Variants in PDRG1 observed in about 807,000 individuals in gnomAD.
PDRG1 encodes the protein p53 and DNA damage-regulated protein 1.
A neutral mutation model predicts 18.4 loss-of-function variants in PDRG1; 14 were observed. The ratio of observed to expected loss-of-function variants is 0.76; its 90% CI spans 0.50 to 1.19. The LOEUF (loss-of-function observed/expected upper bound fraction) is 1.19, where lower values mean the gene tolerates loss of function less well. PDRG1 is among the 50% of genes most tolerant of loss of function. The pLI, the probability that PDRG1 is intolerant of heterozygous loss-of-function variation, is 0.00. For missense variants in PDRG1, 177 were observed against 160.1 expected (o/e 1.11, Z -0.57); for synonymous variants, 65 against 60.9 (o/e 1.07, Z -0.31).
intron 2 of PDRG1, among the ~76,000 whole-genome samples, chr20:31,949,106 G>A (rs899773795): frequency 6.6e-6 from 1 of 152,200 alleles, no homozygotes; most frequent in Non-Finnish European, 1.5e-5. Flanking sequence ...TGCCAGAGGA[G>A]GACCTTGTTA....
At chr20:31,946,094 C>T (rs890141360) in intron 4 of PDRG1, among the ~76,000 whole-genome samples, 1 of 152,178 alleles carries the variant, frequency 6.6e-6, no homozygotes, top group South Asian at 2.1e-4. Flanking sequence ...AACTCTGCTG[C>T]CCAAAGAACC....
rs149510387 is a variant in PDRG1, at chr20:31,945,844, T to C, written c.365A>G (p.Asp122Gly). ...KGFNLNPLNQDELKALKVILK... is the reference protein window; with the variant it reads ...KGFNLNPLNQGELKALKVILK... ...GATGACCTTGAGAGCTTTAAGCTCA[T>C]CCTGGTTGAGGGGGTTCAAGTTAAA... The change falls in exon 5 of 5, where the codon GAT becomes GGT. Residue 122 changes from aspartate to glycine, a missense_variant. Asp to Gly is a moderately conservative substitution (Grantham distance 94). Transcript: ENST00000202017. 529 of 1,613,926 alleles carry C rather than the reference T, an allele frequency of 3.3e-4. No individual in the cohort carries two copies. The highest frequency in any genetic ancestry group is 4.3e-4 in the Non-Finnish European group (506 of 1,179,992).
At chr20:31,947,429 G>A (rs1360901860) in intron 3 of PDRG1, among the ~76,000 whole-genome samples, 1 of 152,152 alleles carries the variant, frequency 6.6e-6, no homozygotes, top group African/African-American at 2.4e-5. Flanking sequence ...GACATTTGGG[G>A]GCCAAAAGGG....
chr20:31,951,744 C>G (rs1228288021), intron 1 of PDRG1, 131 bp downstream of exon 1: 1 of 938,310 alleles, frequency 1.1e-6, no homozygotes, highest in East Asian at 3.0e-5. Flanking sequence ...TTAGTAGCGG[C>G]CGAATATTTA....
In PDRG1 at chr20:31,944,517, T is replaced by G. The variant is rs1428887640; in HGVS notation, c.*1290A>C. ...TCACACTGTGCTTGCACAAAAATTA[T>G]TAGCTTATAAGACACCAGCCTTCCC... On this transcript the variant is annotated 3_prime_UTR_variant, in exon 5 of 5. Transcript: ENST00000202017. 6.6e-6 allele frequency: 1 copy of G among 152,408 alleles called. No homozygotes were observed. Among genetic ancestry groups the G allele is most frequent in the Non-Finnish European group, 1.5e-5 (1 of 68,188 alleles). 9.4% of individuals were successfully genotyped at this position (152,408 alleles called of 1,614,324 possible).
Position 31,946,536 on chromosome 20 carries a change from C to A in PDRG1, c.279G>T (p.Lys93Asn). The A allele has an allele frequency of 6.2e-7, 1 of 1,613,642 alleles. No homozygotes were observed. Among genetic ancestry groups the A allele is most frequent in the Non-Finnish European group, 8.5e-7 (1 of 1,179,554 alleles). Reference protein sequence around the residue: ...HLDKEIEKLRKQLKVKVNRLF... With the variant: ...HLDKEIEKLRNQLKVKVNRLF... ...GGCGGTTGACCTTCACTTTAAGTTG[C>A]TTCCGCAGTTTTTCTATTTCTTTAT... The change falls in exon 4 of 5, where the codon AAG (lysine) becomes AAT (asparagine). Residue 93 changes from lysine to asparagine, a missense_variant. By Grantham distance (94) the Lys-to-Asn change is moderately conservative. Transcript: ENST00000202017.
chr20:31,948,885 G>C lies in PDRG1; in HGVS notation c.164-3C>G. ...CCCGAAGCAAACCATCACATCTTCTGAAAGAGCAAATAGTAATTCCTTCAA... is the reference window on the plus strand; with the variant it reads ...CCCGAAGCAAACCATCACATCTTCTCAAAGAGCAAATAGTAATTCCTTCAA... On this transcript the variant is annotated splice_polypyrimidine_tract_variant and splice_region_variant and intron_variant, in intron 2 of 4. Transcript: ENST00000202017. 1 of 1,613,414 alleles carries C rather than the reference G, an allele frequency of 6.2e-7. No individual in the cohort carries two copies.
rs531182231 is a variant in PDRG1 at position 31,951,793 on chromosome 20, G to A, written c.87+82C>T. 3.3e-5 allele frequency: 47 copies of A among 1,431,884 alleles called. No individual in the cohort carries two copies. The African/African-American group carries it at 5.6e-4, about 17-fold the overall frequency. 88.7% of individuals were successfully genotyped at this position (1,431,884 alleles called of 1,614,324 possible). The stretch of plus-strand genomic sequence containing the variant: ...GTCGCCTCGGAGCCGTTAACCGCCT[G>A]TCCAGGTCAACTCACTGCGACCCCG... On this transcript the variant is annotated intron_variant, in intron 1 of 4. Coordinates refer to ENST00000202017, the MANE Select transcript of PDRG1 (RefSeq NM_030815.3).
intron 1 of PDRG1, among the ~76,000 whole-genome samples, chr20:31,951,639 G>A (rs1251726027): frequency 1.3e-5 from 2 of 152,190 alleles, no homozygotes; most frequent in African/African-American, 4.8e-5. Context: ...TCAGGGAAAC[G>A]GCCCAGAGCA....
Position 31,945,629 on chromosome 20 carries a change from A to G in PDRG1, c.*178T>C, listed in dbSNP as rs1007812635. 18 of 519,544 alleles carry G rather than the reference A, an allele frequency of 3.5e-5. No homozygotes were observed. The African/African-American group carries it at 3.5e-4, about 10-fold the overall frequency. The allele number at this position is 519,544 out of a possible 1,614,324, so 32.2% of individuals were successfully genotyped here. On this transcript the variant is annotated 3_prime_UTR_variant, in exon 5 of 5. Coordinates refer to ENST00000202017, the MANE Select transcript of PDRG1 (RefSeq NM_030815.3). ...CCAGGTCCAGCAGCCAGACAGGCTGAAGGTTCCCTCCTGCCATCACAGAGT... is the reference window on the plus strand; with the variant it reads ...CCAGGTCCAGCAGCCAGACAGGCTGGAGGTTCCCTCCTGCCATCACAGAGT...
At chr20:31,951,040 C>T (rs1008662325) in intron 1 of PDRG1, among the ~76,000 whole-genome samples, 2 of 152,202 alleles carry the variant, frequency 1.3e-5, no homozygotes, top group African/African-American at 4.8e-5. Flanking sequence ...AACACAGTAC[C>T]TGGCACATAG....
intron 4 of PDRG1, among the ~76,000 whole-genome samples, chr20:31,946,145 C>T (rs1347723594): frequency 2.0e-5 from 3 of 152,114 alleles, no homozygotes; most frequent in Non-Finnish European, 2.9e-5. Context: ...AGAGTGCTTG[C>T]ATTTATCAAG....
intron 3 of PDRG1, among the ~76,000 whole-genome samples, chr20:31,947,466 G>A (rs141777798): frequency 6.6e-6 from 1 of 152,292 alleles, no homozygotes; most frequent in African/African-American, 2.4e-5. Context: ...CCCAGGCAAG[G>A]GACCCTCTGA....
At chr20:31,946,345 A>G (rs138546812) in intron 4 of PDRG1, 151 bp downstream of exon 4, 2 of 707,128 alleles carry the variant, frequency 2.8e-6, no homozygotes, top group East Asian at 2.5e-5. Flanking sequence ...CTGGGCAGCT[A>G]CAACCAACCA....
chr20:31,946,038 G>A (rs2064314676), intron 4 of PDRG1, 149 bp from the exon 5 acceptor site: 2 of 632,378 alleles, frequency 3.2e-6, no homozygotes, highest in Non-Finnish European at 5.6e-6. Context: ...TGCACCAGAT[G>A]AGGCATCACC....
chr20:31,950,277 G>T, intron 2 of PDRG1, 35 bp downstream of exon 2: 2 of 1,496,116 alleles, frequency 1.3e-6, no homozygotes, highest in Non-Finnish European at 1.9e-6. Context: ...AACGGAACAG[G>T]CCTCCAGGGC....
intron 4 of PDRG1, 22 bp from the exon 5 acceptor site, chr20:31,945,911 C>T: frequency 6.2e-7 from 1 of 1,603,436 alleles, no homozygotes; most frequent in Non-Finnish European, 8.5e-7. Context: ...GATGATCCAT[C>T]AGCACGTCGG....
intron 4 of PDRG1, 65 bp downstream of exon 4, chr20:31,946,431 G>GA: frequency 7.0e-7 from 1 of 1,432,848 alleles, no homozygotes. Context: ...TCCCATCCCT[G>GA]CCCTTCAAAG....
intron 3 of PDRG1, among the ~76,000 whole-genome samples, chr20:31,947,893 G>GA (rs534050702): frequency 3.9e-4 from 56 of 144,502 alleles, no homozygotes; most frequent in East Asian, 1.4e-3. Context: ...CTGTCTCAAG[G>GA]AAAAAAAAAA....
Sources: gnomAD v4.1 joint callset for allele counts (sites outside exome capture counted in the v4.1 genomes callset) on GRCh38, gnomAD v4.1.1 for gene constraint, MANE v1.5 for transcripts, NCBI Gene and HGNC (gene_info 2026-07-23, HGNC 2026-07-21) for gene names.